PARP8: variants seen among roughly 807,000 people sequenced by gnomAD.
PARP8 encodes protein mono-ADP-ribosyltransferase PARP8.
A neutral mutation model predicts 124.1 loss-of-function variants in PARP8; 51 were observed. That is an observed-to-expected ratio of 0.41 (90% confidence interval 0.33 to 0.52). PARP8 has a LOEUF of 0.52. PARP8 is among the 20% of genes least tolerant of loss of function. The pLI, the probability that PARP8 is intolerant of heterozygous loss-of-function variation, is 0.21. For missense variants in PARP8, 860 were observed against 1,018.9 expected (o/e 0.84, Z 2.12); for synonymous variants, 391 against 361.5 (o/e 1.08, Z -0.93).
At position 50,703,261 on chromosome 5, in the gene PARP8, C is replaced by T. The variant is rs181461680; in HGVS notation, c.146+35136C>T. Among the ~76,000 whole-genome samples, 10 of 150,010 alleles carry T rather than the reference C, an allele frequency of 6.7e-5. No individual in the cohort carries two copies. In the East Asian group the frequency reaches 2.0e-3, roughly 29 times the overall value. On this transcript the variant is annotated intron_variant, in intron 2 of 25. Transcript: ENST00000281631. ...GGCTAAATGAGCCATGATCACACCA[C>T]TGCACTCCAGCCTGGGTGACGGAGT...
At chr5:50,697,267 C>CAA (rs1037485495) in intron 2 of PARP8, among the ~76,000 whole-genome samples, 1 of 149,686 alleles carries the variant, frequency 6.7e-6, no homozygotes, top group Non-Finnish European at 1.5e-5. Flanking sequence ...AGAAAACAAA[C>CAA]AAAAAAAAAG....
intron 15 of PARP8, among the ~76,000 whole-genome samples, chr5:50,819,288 A>G (rs1313680629): frequency 6.6e-6 from 1 of 152,168 alleles, no homozygotes; most frequent in Non-Finnish European, 1.5e-5. Context: ...TAGTAAAAAT[A>G]TTGGTCAAAA....
chr5:50,782,396 A>G (rs1561372272), intron 9 of PARP8, among the ~76,000 whole-genome samples: 2 of 151,996 alleles, frequency 1.3e-5, no homozygotes, highest in African/African-American at 4.8e-5. Flanking sequence ...TCCCCAAGAG[A>G]TTTTTTTTCT....
intron 18 of PARP8, 36 bp from the exon 19 acceptor site, chr5:50,826,719 C>T: frequency 1.3e-6 from 2 of 1,548,462 alleles, no homozygotes; most frequent in Non-Finnish European, 1.7e-6. Flanking sequence ...ATATATTTGG[C>T]ATGTATTTGT....
At chr5:50,676,331 AG>A (rs1750635327) in intron 2 of PARP8, among the ~76,000 whole-genome samples, 1 of 152,272 alleles carries the variant, frequency 6.6e-6, no homozygotes, top group Admixed American at 6.5e-5. Context: ...TTTATGACAA[AG>A]AAAGCTTTGG....
intron 4 of PARP8, among the ~76,000 whole-genome samples, 169 bp from the exon 5 acceptor site, chr5:50,760,123 C>T (rs1345617584): frequency 1.3e-5 from 2 of 152,106 alleles, no homozygotes; most frequent in African/African-American, 4.8e-5. Flanking sequence ...ATCAGAATAG[C>T]TTGCGTATTG....
At chr5:50,776,791 C>G (rs1740080904) in intron 7 of PARP8, among the ~76,000 whole-genome samples, 1 of 152,132 alleles carries the variant, frequency 6.6e-6, no homozygotes, top group African/African-American at 2.4e-5. Flanking sequence ...AAAAGTGCCA[C>G]AATTATGTAT....
chr5:50,828,400 G>A lies in PARP8; in HGVS notation c.2163+16G>A. 6.3e-7 allele frequency: 1 copy of A among 1,597,190 alleles called. No individual in the cohort carries two copies. On this transcript the variant is annotated intron_variant, in intron 21 of 25. Coordinates refer to ENST00000281631, the MANE Select transcript of PARP8 (RefSeq NM_024615.4). The stretch of plus-strand genomic sequence containing the variant: ...ACGATTGCAGGTAGATTTTCTGAAT[G>A]CTTTCACAAGACTTCATTCTTCTTC...
chr5:50,720,141 G>T (rs1388911627), intron 2 of PARP8, among the ~76,000 whole-genome samples: 1 of 151,980 alleles, frequency 6.6e-6, no homozygotes, highest in African/African-American at 2.4e-5. Context: ...TATAATGAAA[G>T]CATCCTTATA....
intron 14 of PARP8, among the ~76,000 whole-genome samples, chr5:50,798,902 A>T (rs1314863732): frequency 6.6e-6 from 1 of 152,136 alleles, no homozygotes; most frequent in Non-Finnish European, 1.5e-5. Context: ...TCCTTTTCAT[A>T]TTTTTAAATT....
rs377098310 is a variant in PARP8, at chr5:50,820,227, C to T, written c.1669-986C>T. Among the ~76,000 whole-genome samples the T allele has an allele frequency of 2.0e-3, 300 of 152,266 alleles. 3 individuals carry two copies. Among genetic ancestry groups the T allele is most frequent in the African/African-American group, 6.8e-3 (284 of 41,560 alleles). Reference sequence around the variant, plus strand: ...GGTCACAATACTCCTCTCTTAGAAGCAGGACAATCAAAAATTGGCCCCCTC... The same window carrying T: ...GGTCACAATACTCCTCTCTTAGAAGTAGGACAATCAAAAATTGGCCCCCTC... On this transcript the variant is annotated intron_variant, in intron 15 of 25. Coordinates refer to ENST00000281631, the MANE Select transcript of PARP8 (RefSeq NM_024615.4).
chr5:50,727,882 A>G (rs769106583), intron 2 of PARP8, among the ~76,000 whole-genome samples: 4 of 152,168 alleles, frequency 2.6e-5, no homozygotes, highest in Non-Finnish European at 5.9e-5. Context: ...AATTACAACT[A>G]TAATTTTCAT....
intron 10 of PARP8, among the ~76,000 whole-genome samples, chr5:50,789,711 A>G (rs541219847): frequency 1.3e-5 from 2 of 152,328 alleles, no homozygotes; most frequent in Non-Finnish European, 2.9e-5. Flanking sequence ...GTTTATGGAG[A>G]ATTCCTAGAG....
intron 11 of PARP8, among the ~76,000 whole-genome samples, chr5:50,794,630 A>G (rs992153998): frequency 2.6e-5 from 4 of 151,972 alleles, no homozygotes; most frequent in Non-Finnish European, 5.9e-5. Flanking sequence ...GATAGGAGGG[A>G]AAAAAAATCT....
intron 2 of PARP8, among the ~76,000 whole-genome samples, chr5:50,724,496 A>C (rs1756218545): frequency 6.6e-6 from 1 of 152,106 alleles, no homozygotes; most frequent in South Asian, 2.1e-4. Flanking sequence ...AGCTACATGA[A>C]TTGATATGTA....
At chr5:50,754,150 T>TACACAC (rs1253764538) in intron 3 of PARP8, among the ~76,000 whole-genome samples, 109 of 37,144 alleles carry the variant, frequency 2.9e-3, no homozygotes, top group African/African-American at 7.3e-3. Flanking sequence ...TATATATATA[T>TACACAC]ACACACACAC....
intron 14 of PARP8, among the ~76,000 whole-genome samples, chr5:50,814,268 C>A (rs1231661167): frequency 6.6e-6 from 1 of 151,820 alleles, no homozygotes; most frequent in Non-Finnish European, 1.5e-5. Context: ...TAGGGTAAAG[C>A]ATATAAACAT....
chr5:50,755,625 G>C (rs1165796633), intron 3 of PARP8, among the ~76,000 whole-genome samples: 1 of 152,164 alleles, frequency 6.6e-6, no homozygotes, highest in Non-Finnish European at 1.5e-5. Context: ...GATGCCTCCA[G>C]CTTTGCTCTT....
chr5:50,773,326 T>C (rs1761815424), intron 7 of PARP8, among the ~76,000 whole-genome samples: 1 of 152,246 alleles, frequency 6.6e-6, no homozygotes, highest in South Asian at 2.1e-4. Context: ...ATTTAAATCT[T>C]TAATCCACTT....
Sources: gnomAD v4.1 joint callset for allele counts (sites outside exome capture counted in the v4.1 genomes callset) on GRCh38, gnomAD v4.1.1 for gene constraint, MANE v1.5 for transcripts, NCBI Gene and HGNC (gene_info 2026-07-23, HGNC 2026-07-21) for gene names.